The following CACNB1 variants were observed in gnomAD, a reference collection of about 807,000 sequenced individuals.
CACNB1 encodes calcium voltage-gated channel auxiliary subunit beta 1.
A neutral mutation model predicts 71.6 loss-of-function variants in CACNB1; 29 were observed. The ratio of observed to expected loss-of-function variants is 0.40; its 90% CI spans 0.30 to 0.55. CACNB1 has a LOEUF of 0.55. Ranked by LOEUF, CACNB1 falls within the 20% of genes least tolerant of loss-of-function variation. The pLI is 0.38. For synonymous variants in CACNB1, 300 were observed against 319.6 expected, an observed-to-expected ratio of 0.94 and a Z score of 0.65; for missense variants, 623 against 801.8, an observed-to-expected ratio of 0.78 and a Z score of 2.69.
At chr17:39,177,608 G>A in intron 12 of CACNB1, 73 bp from the exon 13 acceptor site, 1 of 1,212,148 alleles carries the variant, frequency 8.2e-7, no homozygotes, top group Admixed American at 2.1e-5. Context: ...GTGTGGCCTG[G>A]GTGCAGTGGG....
chr17:39,184,428 A>T, intron 8 of CACNB1, 45 bp from the exon 9 acceptor site: 1 of 1,042,282 alleles, frequency 9.6e-7, no homozygotes, highest in South Asian at 1.4e-5. Context: ...GAAGGCAGGC[A>T]TTTAAAGCCG....
rs1239877108 is a variant in CACNB1, at chr17:39,197,477, T to G, written c.19A>C (p.Met7Leu). ...GAGGGTGGGTAAGGGCCCCGGGACA[T>G]GCTGGTCTTCTGGACCATGGAGAGG... MVQKTS[M>L]SRGPYPPSQE... The change falls in exon 1 of 14, where the codon ATG (methionine) becomes CTG (leucine). Residue 7 changes from methionine (M) to leucine (L), a missense_variant. Met to Leu is a conservative substitution (Grantham distance 15). Transcript: ENST00000394303. 6.7e-7 allele frequency: 1 copy of G among 1,491,868 alleles called. No homozygotes were observed. Among genetic ancestry groups the G allele is most frequent in the Non-Finnish European group, 8.9e-7 (1 of 1,124,260 alleles). The allele number at this position is 1,491,868 out of a possible 1,614,324, so 92.4% of individuals were successfully genotyped here. A position where few individuals can be genotyped will look rare whatever the true frequency, so the allele number is the denominator to read the frequency against.
At chr17:39,179,558 G>A (rs767292818) in intron 11 of CACNB1, among the ~76,000 whole-genome samples, 3 of 146,410 alleles carry the variant, frequency 2.0e-5, no homozygotes, top group East Asian at 2.0e-4. Context: ...CAACCTGAGC[G>A]ACAGAGTGAG....
Position 39,187,000 on chromosome 17 carries a change from C to G in CACNB1, c.415-71G>C. 1.3e-6 allele frequency: 2 copies of G among 1,544,232 alleles called. No homozygotes were observed. Among genetic ancestry groups the G allele is most frequent in the Non-Finnish European group, 1.8e-6 (2 of 1,123,748 alleles). On this transcript the variant is annotated intron_variant, in intron 4 of 13. Coordinates refer to ENST00000394303, the MANE Select transcript of CACNB1 (RefSeq NM_000723.5). The surrounding 1 kb of genome is among the most constrained non-coding windows in gnomAD (Gnocchi z 4.1). ...GCAGGGGCAAGCTAGCAGTCACTCT[C>G]TAGGGGAAACGCCCAGACTCACCTC...
Position 39,174,945 on chromosome 17 carries a change from G to A in CACNB1, c.*248C>T, listed in dbSNP as rs918614128. On this transcript the variant is annotated 3_prime_UTR_variant, in exon 14 of 14. Coordinates refer to ENST00000394303, the MANE Select transcript of CACNB1 (RefSeq NM_000723.5). ...GAGAGCCCCTTAAGATGGGAGAAAG[G>A]GGACACTTCAGAAAGGTGGGTATCC... 1.5e-5 allele frequency: 8 copies of A among 527,256 alleles called. No individual in the cohort carries two copies. Among genetic ancestry groups the A allele is most frequent in the Non-Finnish European group, 2.0e-5 (6 of 298,644 alleles). 32.7% of individuals were successfully genotyped at this position (527,256 alleles called of 1,614,324 possible).
At chr17:39,184,251 G>T in intron 9 of CACNB1, 74 bp downstream of exon 9, 1 of 1,297,788 alleles carries the variant, frequency 7.7e-7, no homozygotes, top group Non-Finnish European at 1.1e-6. Flanking sequence ...CCAGGATTGT[G>T]ATTCGAGGCA....
At chr17:39,188,529 A>G (rs2045997082) in intron 3 of CACNB1, among the ~76,000 whole-genome samples, 1 of 152,068 alleles carries the variant, frequency 6.6e-6, no homozygotes, top group Non-Finnish European at 1.5e-5. Context: ...AGCCGAGATC[A>G]TGCCACTATA....
At chr17:39,182,414 G>C (rs2045793423) in intron 11 of CACNB1, among the ~76,000 whole-genome samples, 1 of 150,988 alleles carries the variant, frequency 6.6e-6, no homozygotes, top group African/African-American at 2.4e-5. Flanking sequence ...ATAAATCAGA[G>C]AGTAGGCTGG....
In CACNB1 at chr17:39,184,143, G is replaced by A. The variant is rs200175077; in HGVS notation, c.789-3C>T. On this transcript the variant is annotated splice_region_variant and splice_polypyrimidine_tract_variant and intron_variant, in intron 9 of 13. Coordinates refer to ENST00000394303, the MANE Select transcript of CACNB1 (RefSeq NM_000723.5). ...CCGTCACACGAGTGATGGAGATCCT[G>A]GGGAATGGGGCAAGAGGGGAGTCAG... 3.4e-5 allele frequency: 55 copies of A among 1,597,226 alleles called. No homozygotes were observed. The highest frequency in any genetic ancestry group is 2.9e-4 in the East Asian group (13 of 44,736).
chr17:39,184,233 T>C, intron 9 of CACNB1, 92 bp downstream of exon 9: 1 of 1,287,568 alleles, frequency 7.8e-7, no homozygotes, highest in South Asian at 1.2e-5. Flanking sequence ...TGTTCCTCAG[T>C]CCGAGTCCCA....
intron 3 of CACNB1, among the ~76,000 whole-genome samples, chr17:39,188,284 A>G (rs2045988792): frequency 6.6e-6 from 1 of 151,956 alleles, no homozygotes; most frequent in Non-Finnish European, 1.5e-5. Context: ...CTCTGTCTAA[A>G]AAAAAAAAAG....
At chr17:39,187,036 G>C (rs1414947107) in intron 4 of CACNB1, 107 bp from the exon 5 acceptor site, 2 of 1,235,788 alleles carry the variant, frequency 1.6e-6, no homozygotes, top group East Asian at 4.9e-5. Flanking sequence ...CCAGCCCAGG[G>C]GTGGCACCCT....
At chr17:39,188,105 A>G (rs918543431) in intron 3 of CACNB1, among the ~76,000 whole-genome samples, 2 of 150,752 alleles carry the variant, frequency 1.3e-5, no homozygotes, top group African/African-American at 4.9e-5. Flanking sequence ...ACATGGTGAA[A>G]CTCTGCCTCT....
chr17:39,188,718 G>C (rs1391208569), intron 3 of CACNB1, among the ~76,000 whole-genome samples: 1 of 152,066 alleles, frequency 6.6e-6, no homozygotes, highest in Admixed American at 6.6e-5. Context: ...GTTGGGGGTG[G>C]GGAAGCCCAC....
intron 11 of CACNB1, among the ~76,000 whole-genome samples, chr17:39,180,934 T>A (rs1322923099): frequency 1.3e-5 from 2 of 152,080 alleles, no homozygotes; most frequent in Non-Finnish European, 2.9e-5. Context: ...AATAAAATGT[T>A]AAAAAGTTAG....
chr17:39,184,534 C>T, intron 8 of CACNB1, 151 bp from the exon 9 acceptor site: 2 of 641,892 alleles, frequency 3.1e-6, no homozygotes, highest in Non-Finnish European at 5.6e-6. Flanking sequence ...TGAGGGGCCT[C>T]CACTGGGGTC....
intron 13 of CACNB1, chr17:39,177,098 A>C: frequency 7.2e-7 from 1 of 1,391,292 alleles, no homozygotes; most frequent in Non-Finnish European, 9.3e-7. Context: ...ACAGCACCAG[A>C]AGCCCCAGAC....
chr17:39,191,537 C>T lies in CACNB1; in HGVS notation c.228G>A (p.Glu76=), dbSNP rs1417696069. 7 of 1,610,596 alleles carry T rather than the reference C, an allele frequency of 4.3e-6. No homozygotes were observed. Among genetic ancestry groups the T allele is most frequent in the Non-Finnish European group, 5.9e-6 (7 of 1,178,988 alleles). ...CTTCCTTCCTTAAGGCTTCCCGGTCCTCCTCCAGAGATACATCAGAGTCTG... is the reference window on the plus strand; with the variant it reads ...CTTCCTTCCTTAAGGCTTCCCGGTCTTCCTCCAGAGATACATCAGAGTCTG... ...RPSDSDVSLE[E]DREALRKEAE... Residue 76 remains glutamate (E), a synonymous_variant, in exon 3 of 14, where the codon GAG becomes GAA. Coordinates refer to ENST00000394303, the MANE Select transcript of CACNB1 (RefSeq NM_000723.5).
chr17:39,189,491 T>C (rs1309353676), intron 3 of CACNB1, among the ~76,000 whole-genome samples: 1 of 151,656 alleles, frequency 6.6e-6, no homozygotes, highest in East Asian at 2.0e-4. Flanking sequence ...AGGGAGATCC[T>C]GTCTGTTTTG....
Sources: allele counts gnomAD v4.1 joint callset (sites outside exome capture counted in the v4.1 genomes callset), GRCh38; gene constraint gnomAD v4.1.1; non-coding constraint Gnocchi (gnomAD v3.1); transcripts MANE v1.5; gene names NCBI Gene and HGNC (gene_info 2026-07-23, HGNC 2026-07-21).